The following BRI3BP variants were observed in gnomAD, a reference collection of about 807,000 sequenced individuals.
The protein encoded by BRI3BP is BRI3 binding protein.
A neutral mutation model predicts 15.8 loss-of-function variants in BRI3BP; 7 were observed. The observed-to-expected ratio is 0.44, with a 90% CI of 0.25 to 0.83. The LOEUF (loss-of-function observed/expected upper bound fraction) is 0.83. Among genes scored for constraint, BRI3BP ranks in the 40% least tolerant of loss-of-function variants. The pLI is 0.20. For missense variants in BRI3BP, 320 were observed against 339.3 expected (o/e 0.94, Z 0.45); for synonymous variants, 192 against 163.5 (o/e 1.17, Z -1.33).
chr12:125,003,952 CAA>C (rs56663142), intron 1 of BRI3BP, among the ~76,000 whole-genome samples: 2,687 of 100,166 alleles, frequency 0.027, 80 homozygotes, highest in Admixed American at 0.12. Flanking sequence ...GACTCCATCT[CAA>C]AAACACACAC....
At chr12:125,022,029 G>A (rs1269635471) in intron 2 of BRI3BP, among the ~76,000 whole-genome samples, 4 of 145,376 alleles carry the variant, frequency 2.8e-5, no homozygotes, top group African/African-American at 1.0e-4. Flanking sequence ...GCAGTGAGCC[G>A]AGATCACACC....
At chr12:125,016,709 GT>G (rs1197021121) in intron 2 of BRI3BP, among the ~76,000 whole-genome samples, 2 of 151,336 alleles carry the variant, frequency 1.3e-5, no homozygotes, top group Non-Finnish European at 2.9e-5. Flanking sequence ...TGTATTTTTA[GT>G]AGAGACAGGG....
At chr12:125,031,262 T>C (rs1955403951), downstream of BRI3BP, 1 of 152,196 alleles carries the variant, frequency 6.6e-6, no homozygotes, top group Non-Finnish European at 1.5e-5. Flanking sequence ...TTTTGATGTG[T>C]AACCAGGATT....
At chr12:125,047,644 G>A in the BRI3BP span, among the ~76,000 whole-genome samples, 2 of 152,014 alleles carry the variant, frequency 1.3e-5, no homozygotes, top group Non-Finnish European at 2.9e-5. Flanking sequence ...TTTAAGTGCT[G>A]GGATTACAGG....
At chr12:125,037,811 CAAA>C in the BRI3BP span, among the ~76,000 whole-genome samples, 5 of 80,190 alleles carry the variant, frequency 6.2e-5, no homozygotes, top group Non-Finnish European at 2.6e-5. Context: ...GACTCTGTCT[CAAA>C]AAAAAAAAAA....
chr12:125,000,956 C>G (rs745421823), intron 1 of BRI3BP, among the ~76,000 whole-genome samples: 10 of 152,194 alleles, frequency 6.6e-5, no homozygotes, highest in African/African-American at 2.4e-4. Context: ...AAATCCAACA[C>G]CCAGTCAAGG....
intron 1 of BRI3BP, among the ~76,000 whole-genome samples, chr12:125,006,409 T>A (rs1275961036): frequency 2.0e-5 from 3 of 152,174 alleles, no homozygotes; most frequent in African/African-American, 7.2e-5. Flanking sequence ...GGGCCAGTTT[T>A]CAGGAGGGGA....
At chr12:125,013,194 C>T (rs1300264677) in intron 2 of BRI3BP, among the ~76,000 whole-genome samples, 1 of 152,176 alleles carries the variant, frequency 6.6e-6, no homozygotes, top group Non-Finnish European at 1.5e-5. Flanking sequence ...GTGCAAAACA[C>T]ATGGACCAGA....
At chr12:125,008,923 C>T (rs962903321) in intron 1 of BRI3BP, among the ~76,000 whole-genome samples, 14 of 151,900 alleles carry the variant, frequency 9.2e-5, no homozygotes, top group Admixed American at 8.5e-4. Context: ...TCACAAGGAA[C>T]ATGTAACCTA....
At chr12:124,994,416 T>C (rs1432586790) in intron 1 of BRI3BP, among the ~76,000 whole-genome samples, 5 of 152,156 alleles carry the variant, frequency 3.3e-5, no homozygotes. Flanking sequence ...GGGTTTGTCC[T>C]AGCCTCGCAT....
At chr12:125,001,538 A>G (rs574616944) in intron 1 of BRI3BP, among the ~76,000 whole-genome samples, 5 of 150,844 alleles carry the variant, frequency 3.3e-5, no homozygotes, top group East Asian at 3.9e-4. Context: ...TATTTATTGT[A>G]TTTTTCGTAG....
the BRI3BP span, among the ~76,000 whole-genome samples, chr12:125,044,073 T>G: frequency 0.051 from 7,728 of 152,174 alleles, 662 homozygotes; most frequent in African/African-American, 0.18. Context: ...CAGGCAAGTT[T>G]ACAAGTCTTC....
intron 2 of BRI3BP, among the ~76,000 whole-genome samples, chr12:125,016,556 C>CGAGGG (rs1955245951): frequency 6.6e-6 from 1 of 151,708 alleles, no homozygotes; most frequent in African/African-American, 2.4e-5. Flanking sequence ...GACGAAGTCT[C>CGAGGG]ACTCTATTGC....
At chr12:125,002,175 T>C (rs374067027) in intron 1 of BRI3BP, among the ~76,000 whole-genome samples, 35 of 152,236 alleles carry the variant, frequency 2.3e-4, no homozygotes, top group Non-Finnish European at 4.6e-4. Context: ...TGAATATCCA[T>C]GTGCAAATAT....
In BRI3BP at chr12:124,993,886, G is replaced by A; in HGVS notation, c.96G>A (p.Ala32=). 2 of 1,245,188 alleles carry A rather than the reference G, an allele frequency of 1.6e-6. No individual in the cohort carries two copies. Among genetic ancestry groups the A allele is most frequent in the African/African-American group, 1.6e-5 (1 of 62,636 alleles). 77.1% of individuals were successfully genotyped at this position (1,245,188 alleles called of 1,614,324 possible). A position where few individuals can be genotyped will look rare whatever the true frequency, so the allele number is the denominator to read the frequency against. Residue 32 remains alanine (A), a synonymous_variant, in exon 1 of 3, where the codon GCG becomes GCA. Transcript: ENST00000341446. ...LLLLGLLAPG[A]QGARGRGGAE... ...TGCTCGGGCTGCTGGCCCCGGGCGCGCAGGGGGCGCGGGGCCGCGGCGGCG... is the reference window on the plus strand; with the variant it reads ...TGCTCGGGCTGCTGGCCCCGGGCGCACAGGGGGCGCGGGGCCGCGGCGGCG...
chr12:125,014,436 T>A (rs973336125), intron 2 of BRI3BP, among the ~76,000 whole-genome samples: 1 of 152,142 alleles, frequency 6.6e-6, no homozygotes, highest in African/African-American at 2.4e-5. Context: ...ACAGCCGTGA[T>A]TTATTGTGAC....
At chr12:125,048,635 G>T in the BRI3BP span, among the ~76,000 whole-genome samples, 2 of 151,754 alleles carry the variant, frequency 1.3e-5, no homozygotes, top group East Asian at 3.9e-4. Flanking sequence ...CACCAGCATG[G>T]CACATGTACA....
At position 125,024,963 on chromosome 12, in the gene BRI3BP, A is replaced by G. The variant is rs780474946; in HGVS notation, c.317-28A>G. 5 of 1,578,332 alleles carry G rather than the reference A, an allele frequency of 3.2e-6. No homozygotes were observed. The South Asian group carries it at 5.7e-5, about 18-fold the overall frequency. On this transcript the variant is annotated intron_variant, in intron 2 of 2. Transcript: ENST00000341446. ...AGAAACCCCTGGCCCCTGCGTAACG[A>G]GCCCTGTTCCTCTTTTCTGTCCCGC...
In BRI3BP at chr12:124,993,842, C is replaced by CTGT. The variant is rs1248459666; in HGVS notation, c.54_55insTTG (p.Leu25dup). On this transcript the variant is annotated inframe_insertion, in exon 1 of 3. Coordinates refer to ENST00000341446, the MANE Select transcript of BRI3BP (RefSeq NM_080626.6). ...CCTGGCCCGGGCCGGGCTCCTGCTG[C>CTGT]TGCTGCTGCTGCTGCTGCTGCTCGG... 1 of 1,187,334 alleles carries CTGT rather than the reference C, an allele frequency of 8.4e-7. No individual in the cohort carries two copies. The highest frequency in any genetic ancestry group is 4.0e-5 in the East Asian group (1 of 24,770). 73.5% of individuals were successfully genotyped at this position (1,187,334 alleles called of 1,614,324 possible). A position where few individuals can be genotyped will look rare whatever the true frequency, so the allele number is the denominator to read the frequency against.
Sources: allele counts gnomAD v4.1 joint callset (sites outside exome capture counted in the v4.1 genomes callset), GRCh38; gene constraint gnomAD v4.1.1; transcripts MANE v1.5; gene names NCBI Gene and HGNC (gene_info 2026-07-23, HGNC 2026-07-21).